The following SLC36A1 variants were observed in gnomAD, a reference collection of about 807,000 sequenced individuals.
SLC36A1 encodes proton-coupled amino acid transporter 1.
In SLC36A1, 30 loss-of-function variants were observed where a neutral mutation model predicts 47.5. That is an observed-to-expected ratio of 0.63 (90% confidence interval 0.47 to 0.86). The LOEUF (loss-of-function observed/expected upper bound fraction) is 0.86, where lower values mean the gene tolerates loss of function less well. SLC36A1 is among the 40% of genes least tolerant of loss of function. The pLI, the probability that SLC36A1 is intolerant of heterozygous loss-of-function variation, is 0.00. For missense variants in SLC36A1, 517 were observed against 606.0 expected (o/e 0.85, Z 1.54); for synonymous variants, 255 against 249.7 (o/e 1.02, Z -0.20).
the SLC36A1 span, chr5:151,504,153 TCACTCA>T: frequency 6.6e-6 from 1 of 152,588 alleles, no homozygotes; most frequent in African/African-American, 2.4e-5. Flanking sequence ...TATGTATCTG[TCACTCA>T]CACTCACAGT....
the SLC36A1 span, chr5:151,534,418 G>A: frequency 1.3e-5 from 21 of 1,606,522 alleles, no homozygotes; most frequent in Non-Finnish European, 1.7e-5. Context: ...CCTTGGTCGG[G>A]ATCCCGGGCA....
intron 7 of SLC36A1, among the ~76,000 whole-genome samples, chr5:151,472,110 A>G (rs1021944260): frequency 5.9e-5 from 9 of 152,190 alleles, no homozygotes; most frequent in Non-Finnish European, 1.2e-4. Context: ...AGATGTACAT[A>G]TATAGGGGAG....
chr5:151,512,102 T>C, the SLC36A1 span: 1,109,697 of 1,505,156 alleles, frequency 0.74, 411,572 homozygotes, highest in East Asian at 0.95. The surrounding 1 kb of genome is among the most constrained non-coding windows in gnomAD (Gnocchi z 4.1). Context: ...CCTGACATGC[T>C]TTTCCCACCT....
At chr5:151,399,747 C>A in the SLC36A1 span, among the ~76,000 whole-genome samples, 1 of 152,038 alleles carries the variant, frequency 6.6e-6, no homozygotes, top group African/African-American at 2.4e-5. Context: ...AAAATGAGAC[C>A]CACTGAAAAG....
the SLC36A1 span, among the ~76,000 whole-genome samples, chr5:151,418,854 C>A: frequency 1.3e-5 from 2 of 152,130 alleles, no homozygotes; most frequent in Non-Finnish European, 2.9e-5. Flanking sequence ...GGCTTTGTGT[C>A]CCAACCCAGA....
At chr5:151,484,793 G>T (rs939882382) in intron 10 of SLC36A1, among the ~76,000 whole-genome samples, 4 of 152,152 alleles carry the variant, frequency 2.6e-5, no homozygotes, top group Non-Finnish European at 5.9e-5. Context: ...AAGAGTTTAG[G>T]TAACTAGCCA....
At chr5:151,438,672 G>A (rs1759920797) in intron 1 of SLC36A1, among the ~76,000 whole-genome samples, 1 of 152,202 alleles carries the variant, frequency 6.6e-6, no homozygotes, top group Non-Finnish European at 1.5e-5. Flanking sequence ...GTCAGGCAGA[G>A]GTGTTCTCTG....
At chr5:151,549,971 T>A in the SLC36A1 span, among the ~76,000 whole-genome samples, 1 of 152,194 alleles carries the variant, frequency 6.6e-6, no homozygotes, top group Admixed American at 6.5e-5. Flanking sequence ...AACCCTGATC[T>A]TTAAGACAGG....
At chr5:151,376,158 G>C in the SLC36A1 span, among the ~76,000 whole-genome samples, 1 of 151,828 alleles carries the variant, frequency 6.6e-6, no homozygotes. Flanking sequence ...GTTGTTTTGA[G>C]GTATGTTCCT....
chr5:151,438,360 TC>T (rs1759899146), intron 1 of SLC36A1, among the ~76,000 whole-genome samples: 1 of 151,908 alleles, frequency 6.6e-6, no homozygotes, highest in Admixed American at 6.6e-5. Flanking sequence ...ACTTTATATG[TC>T]CTTGAGATCA....
intron 10 of SLC36A1, among the ~76,000 whole-genome samples, chr5:151,486,565 A>G (rs149979678): frequency 6.4e-4 from 98 of 152,358 alleles, no homozygotes; most frequent in African/African-American, 2.3e-3. Flanking sequence ...GCAGTGATCG[A>G]TGTAGACATT....
At chr5:151,533,148 T>C in the SLC36A1 span, among the ~76,000 whole-genome samples, 2 of 152,038 alleles carry the variant, frequency 1.3e-5, no homozygotes, top group Non-Finnish European at 2.9e-5. Context: ...ATGACAGATG[T>C]CCCACTTGAT....
At chr5:151,367,463 A>G in the SLC36A1 span, among the ~76,000 whole-genome samples, 1 of 151,200 alleles carries the variant, frequency 6.6e-6, no homozygotes, top group East Asian at 1.9e-4. Flanking sequence ...GGCTCTGTGC[A>G]AGAAGAAAAA....
the SLC36A1 span, among the ~76,000 whole-genome samples, chr5:151,387,832 G>A: frequency 7.3e-4 from 111 of 152,142 alleles, no homozygotes; most frequent in African/African-American, 2.6e-3. Context: ...CTTCTCTTGC[G>A]CAAATTCCTA....
intron 1 of SLC36A1, among the ~76,000 whole-genome samples, chr5:151,453,030 C>T (rs906102998): frequency 6.6e-6 from 1 of 151,668 alleles, no homozygotes; most frequent in African/African-American, 2.4e-5. Flanking sequence ...GATGAAACCC[C>T]GTCTCTACTA....
chr5:151,479,616 C>T, intron 10 of SLC36A1, 127 bp downstream of exon 10: 1 of 1,061,338 alleles, frequency 9.4e-7, no homozygotes, highest in Non-Finnish European at 1.4e-6. Flanking sequence ...GAACCTGGCC[C>T]ATGGCCTCAC....
chr5:151,450,638 C>G (rs548205558), intron 1 of SLC36A1, among the ~76,000 whole-genome samples: 1 of 152,310 alleles, frequency 6.6e-6, no homozygotes, highest in South Asian at 2.1e-4. Flanking sequence ...TACTTTGTTT[C>G]TATTTATAAC....
At chr5:151,543,140 C>T in the SLC36A1 span, 1 of 1,614,162 alleles carries the variant, frequency 6.2e-7, no homozygotes, top group Non-Finnish European at 8.5e-7. Context: ...CCATCTTGGG[C>T]TTTGATGAAG....
the SLC36A1 span, among the ~76,000 whole-genome samples, chr5:151,532,411 ACACACACG>A: frequency 1.6e-5 from 2 of 127,420 alleles, no homozygotes; most frequent in Non-Finnish European, 3.5e-5. Context: ...ACACACACAC[ACACACACG>A]CAAATGAGTG....
Sources: gnomAD v4.1 joint callset for allele counts (sites outside exome capture counted in the v4.1 genomes callset) on GRCh38, gnomAD v4.1.1 for gene constraint, Gnocchi (gnomAD v3.1) non-coding constraint, MANE v1.5 for transcripts, NCBI Gene and HGNC (gene_info 2026-07-23, HGNC 2026-07-21) for gene names.